Variants in CCDC171 observed in about 807,000 individuals in gnomAD.
CCDC171 encodes coiled-coil domain-containing protein 171.
A neutral mutation model predicts 168.2 loss-of-function variants in CCDC171; 177 were observed. The ratio of observed to expected loss-of-function variants is 1.05; its 90% confidence interval spans 0.93 to 1.19. The LOEUF is 1.19. Ranked by LOEUF, CCDC171 falls within the 50% of genes most tolerant of loss-of-function variation. The pLI is 0.00. For missense variants in CCDC171, 1,991 were observed against 1,539.0 expected (o/e 1.29, Z -4.91); for synonymous variants, 687 against 540.8 (o/e 1.27, Z -3.75).
chr9:15,844,381 AAT>A, intron 21 of CCDC171, among the ~76,000 whole-genome samples: 1 of 151,916 alleles, frequency 6.6e-6, no homozygotes, highest in East Asian at 1.9e-4. Flanking sequence ...AGGATTTTTA[AAT>A]ATTCTGTTTT....
chr9:15,795,905 G>C (rs1281468418), intron 21 of CCDC171, among the ~76,000 whole-genome samples: 1 of 152,234 alleles, frequency 6.6e-6, no homozygotes, highest in African/African-American at 2.4e-5. Flanking sequence ...GTACAGTCCA[G>C]TCACCAGTGT....
At chr9:16,089,973 G>A in the CCDC171 span, among the ~76,000 whole-genome samples, 1 of 152,188 alleles carries the variant, frequency 6.6e-6, no homozygotes, top group Non-Finnish European at 1.5e-5. Flanking sequence ...CTGTTGATGG[G>A]TGTGTAAATT....
At chr9:15,669,228 C>T (rs1439775343) in intron 9 of CCDC171, among the ~76,000 whole-genome samples, 1 of 152,106 alleles carries the variant, frequency 6.6e-6, no homozygotes, top group Non-Finnish European at 1.5e-5. Context: ...TTCCATAATT[C>T]TATAATCAAA....
chr9:15,629,695 C>G (rs2045508664), intron 7 of CCDC171, among the ~76,000 whole-genome samples: 1 of 152,202 alleles, frequency 6.6e-6, no homozygotes, highest in East Asian at 1.9e-4. Flanking sequence ...AGATGCCCCT[C>G]AAGAAGAGCA....
chr9:15,949,833 T>C (rs1387477848), intron 25 of CCDC171, among the ~76,000 whole-genome samples: 12 of 152,224 alleles, frequency 7.9e-5, no homozygotes, highest in African/African-American at 2.6e-4. Flanking sequence ...CCAGAACTTC[T>C]AACACTATGT....
At chr9:15,751,459 A>G (rs1305116736) in intron 18 of CCDC171, among the ~76,000 whole-genome samples, 1 of 152,238 alleles carries the variant, frequency 6.6e-6, no homozygotes, top group Non-Finnish European at 1.5e-5. Context: ...AAGAGCCCGC[A>G]TAGCCAAGAC....
intron 7 of CCDC171, among the ~76,000 whole-genome samples, chr9:15,633,368 G>A (rs1326957225): frequency 6.6e-6 from 1 of 152,098 alleles, no homozygotes; most frequent in Non-Finnish European, 1.5e-5. Context: ...CAAAGGACAT[G>A]AACAGACACT....
chr9:15,722,716 G>A (rs1199682134), intron 12 of CCDC171, among the ~76,000 whole-genome samples: 4 of 152,142 alleles, frequency 2.6e-5, no homozygotes, highest in Non-Finnish European at 4.4e-5. Flanking sequence ...TTTCATATGC[G>A]GCTTATTTTA....
intron 9 of CCDC171, among the ~76,000 whole-genome samples, chr9:15,673,094 G>A (rs1216172329): frequency 6.6e-6 from 1 of 152,094 alleles, no homozygotes; most frequent in East Asian, 1.9e-4. Flanking sequence ...TGTATTCCTA[G>A]GTATTTGATT....
At chr9:15,773,457 A>G (rs1406772092) in intron 18 of CCDC171, among the ~76,000 whole-genome samples, 1 of 152,202 alleles carries the variant, frequency 6.6e-6, no homozygotes, top group African/African-American at 2.4e-5. Flanking sequence ...CCCTAGATGT[A>G]CATTTTTCCC....
intron 18 of CCDC171, among the ~76,000 whole-genome samples, chr9:15,751,767 A>C (rs1250095692): frequency 6.6e-6 from 1 of 152,220 alleles, no homozygotes; most frequent in Non-Finnish European, 1.5e-5. Flanking sequence ...CTCAAGATGG[A>C]CTAAAGACTT....
intron 23 of CCDC171, among the ~76,000 whole-genome samples, chr9:15,854,660 A>T (rs2061278232): frequency 6.6e-6 from 1 of 151,492 alleles, no homozygotes; most frequent in Non-Finnish European, 1.5e-5. Flanking sequence ...CTCTCTCTTA[A>T]CTGCTCCAAG....
intron 4 of CCDC171, among the ~76,000 whole-genome samples, chr9:15,584,196 A>G (rs2041374235): frequency 6.6e-6 from 1 of 152,130 alleles, no homozygotes; most frequent in Non-Finnish European, 1.5e-5. Context: ...AACTGTTAAG[A>G]TCCTTAGTTT....
chr9:15,695,252 C>T lies in CCDC171; in HGVS notation c.1233C>T (p.Ala411=). The change falls in exon 11 of 26, where the codon GCC becomes GCT. Residue 411 remains alanine (A), a synonymous_variant. Transcript: ENST00000380701. Reference sequence around the variant, plus strand: ...ATTAAAAGGCTAAGAAGCACCAGGCCTTCCTAGTAGAGACATGTGAAAATA... The same window carrying T: ...ATTAAAAGGCTAAGAAGCACCAGGCTTTCCTAGTAGAGACATGTGAAAATA... ...EELVMAKKHQ[A]FLVETCENNV... The T allele has an allele frequency of 6.2e-7, 1 of 1,613,716 alleles. No individual in the cohort carries two copies. The highest frequency in any genetic ancestry group is 8.5e-7 in the Non-Finnish European group (1 of 1,179,670).
At chr9:15,812,241 A>T (rs59106947) in intron 21 of CCDC171, among the ~76,000 whole-genome samples, 4,151 of 152,292 alleles carry the variant, frequency 0.027, 187 homozygotes, top group African/African-American at 0.096. Context: ...CAAACCTGTT[A>T]TCTTAGATGG....
intron 3 of CCDC171, among the ~76,000 whole-genome samples, chr9:15,981,073 C>T (rs186005611): frequency 3.2e-4 from 48 of 152,126 alleles, no homozygotes; most frequent in Non-Finnish European, 5.7e-4. Context: ...CTTACTGTCA[C>T]GAGAAAAGCC....
chr9:15,677,902 A>ATATG (rs2049729156), intron 9 of CCDC171, among the ~76,000 whole-genome samples: 1 of 21,100 alleles, frequency 4.7e-5, no homozygotes, highest in Non-Finnish European at 7.9e-5. Flanking sequence ...ATATATATAT[A>ATATG]TATATATATA....
intron 6 of CCDC171, among the ~76,000 whole-genome samples, chr9:15,596,461 G>C (rs1346115531): frequency 1.1e-4 from 17 of 152,188 alleles, no homozygotes; most frequent in African/African-American, 3.6e-4. Flanking sequence ...TTGTAGATGT[G>C]TGCTATTATT....
At chr9:15,584,990 A>C (rs990119786) in intron 4 of CCDC171, among the ~76,000 whole-genome samples, 1 of 152,228 alleles carries the variant, frequency 6.6e-6, no homozygotes, top group African/African-American at 2.4e-5. Context: ...AATCAGAGGA[A>C]AAATGCGTAA....
Sources: gnomAD v4.1 joint callset for allele counts (sites outside exome capture counted in the v4.1 genomes callset) on GRCh38, gnomAD v4.1.1 for gene constraint, MANE v1.5 for transcripts, NCBI Gene and HGNC (gene_info 2026-07-23, HGNC 2026-07-21) for gene names.